Variants in ZBTB7C observed in about 807,000 individuals in gnomAD.
The protein encoded by ZBTB7C is zinc finger and BTB domain containing 7C, also known as zinc finger and BTB domain-containing protein 7C.
ZBTB7C carries 8 observed loss-of-function variants against 25.7 expected under a neutral mutation model. That is an observed-to-expected ratio of 0.31 (90% CI 0.18 to 0.56). The LOEUF is 0.56. Ranked by LOEUF, ZBTB7C falls within the 20% of genes least tolerant of loss-of-function variation. The probability of loss-of-function intolerance (pLI) is 0.91; values close to 1 mark genes in which losing one functional copy is unlikely to be tolerated. For missense variants in ZBTB7C, 824 were observed against 855.2 expected (o/e 0.96, Z 0.46); for synonymous variants, 394 against 369.0 (o/e 1.07, Z -0.78).
chr18:48,053,154 C>A (rs2036764436), intron 3 of ZBTB7C, among the ~76,000 whole-genome samples: 1 of 152,240 alleles, frequency 6.6e-6, no homozygotes, highest in African/African-American at 2.4e-5. Context: ...TGCGTCCCTT[C>A]CGCCTGCCCC....
chr18:48,411,819 TCTC>T (rs2048385345), upstream of ZBTB7C, among the ~76,000 whole-genome samples: 1 of 152,236 alleles, frequency 6.6e-6, no homozygotes, highest in Admixed American at 6.5e-5. Flanking sequence ...TCAGAAAGTT[TCTC>T]CTCTCTTCTC....
At chr18:48,035,807 G>T (rs951200912) in intron 4 of ZBTB7C, among the ~76,000 whole-genome samples, 3 of 152,202 alleles carry the variant, frequency 2.0e-5, no homozygotes, top group African/African-American at 7.2e-5. Flanking sequence ...CTGGCTTCCA[G>T]ACTTTCTGGG....
intron 1 of ZBTB7C, among the ~76,000 whole-genome samples, chr18:48,404,206 C>T (rs1277332493): frequency 2.6e-5 from 4 of 152,088 alleles, no homozygotes; most frequent in African/African-American, 9.7e-5. Flanking sequence ...GAGCCGAGAT[C>T]GTGCCGCTGC....
chr18:48,057,528 T>G (rs958018973), intron 3 of ZBTB7C, among the ~76,000 whole-genome samples: 1 of 152,224 alleles, frequency 6.6e-6, no homozygotes, highest in African/African-American at 2.4e-5. Flanking sequence ...ATGCATGAAT[T>G]AAACTGTTAG....
intron 1 of ZBTB7C, among the ~76,000 whole-genome samples, chr18:48,349,102 C>T (rs1047577991): frequency 3.9e-5 from 6 of 152,186 alleles, no homozygotes; most frequent in Admixed American, 6.5e-5. Flanking sequence ...CAGCCCTAGG[C>T]ATGGTGCTGG....
intron 3 of ZBTB7C, among the ~76,000 whole-genome samples, chr18:48,130,972 C>T (rs2039967981): frequency 6.6e-6 from 1 of 152,202 alleles, no homozygotes; most frequent in African/African-American, 2.4e-5. Flanking sequence ...GGTCCCATCT[C>T]AGCTCACTGC....
chr18:48,275,778 T>C (rs1001924528), intron 2 of ZBTB7C, among the ~76,000 whole-genome samples: 15 of 152,214 alleles, frequency 9.9e-5, no homozygotes, highest in African/African-American at 3.6e-4. Flanking sequence ...AAGCCTCATC[T>C]TTCTTCTCTC....
intron 3 of ZBTB7C, among the ~76,000 whole-genome samples, chr18:48,179,912 CCCTTCCTTCCTT>C (rs1265113799): frequency 5.2e-5 from 1 of 19,180 alleles, no homozygotes; most frequent in Admixed American, 7.2e-4. Context: ...CTTCCTTCCT[CCCTTCCTTCCTT>C]CCTTCCCTGC....
chr18:48,190,969 T>C (rs1432976276), intron 2 of ZBTB7C, among the ~76,000 whole-genome samples: 1 of 152,244 alleles, frequency 6.6e-6, no homozygotes, highest in African/African-American at 2.4e-5. Flanking sequence ...GAGTCTCTTT[T>C]GGGGAAAACA....
intron 1 of ZBTB7C, among the ~76,000 whole-genome samples, chr18:48,362,677 A>G (rs1026279536): frequency 2.0e-5 from 3 of 152,134 alleles, no homozygotes; most frequent in African/African-American, 7.2e-5. Flanking sequence ...AGTCCTTGTC[A>G]CCTGCATTGC....
intron 2 of ZBTB7C, among the ~76,000 whole-genome samples, chr18:48,277,086 G>A (rs1230718396): frequency 6.7e-6 from 1 of 149,840 alleles, no homozygotes; most frequent in Admixed American, 6.7e-5. Context: ...ATAGGCATGG[G>A]CAAGGACTTC....
At chr18:48,094,229 C>T (rs1480750009) in intron 3 of ZBTB7C, among the ~76,000 whole-genome samples, 1 of 152,168 alleles carries the variant, frequency 6.6e-6, no homozygotes, top group Admixed American at 6.5e-5. Flanking sequence ...ATAATGATAT[C>T]ATCTGGCTGA....
In ZBTB7C at chr18:48,344,102, G is replaced by A. The variant is rs181710495; in HGVS notation, c.-303-5704C>T. Among the ~76,000 whole-genome samples the A allele has an allele frequency of 3.9e-4, 59 of 152,070 alleles. 1 individual carries two copies. The highest frequency in any genetic ancestry group is 3.9e-3 in the East Asian group (20 of 5,172). On this transcript the variant is annotated intron_variant, in intron 1 of 4. Transcript: ENST00000590800. ...CAGGTTCAAGCTATTCTCCTGCCTC[G>A]GCCTTCCGAGTAGCTGGATTGCAGG... is the stretch of plus-strand genomic sequence containing the variant.
At chr18:48,035,229 G>T (rs2035920843) in intron 4 of ZBTB7C, among the ~76,000 whole-genome samples, 1 of 152,254 alleles carries the variant, frequency 6.6e-6, no homozygotes, top group Non-Finnish European at 1.5e-5. Context: ...AGCGGAACTG[G>T]AAAGCGTGCC....
chr18:48,035,721 T>C (rs2035943341), intron 4 of ZBTB7C, among the ~76,000 whole-genome samples: 1 of 152,240 alleles, frequency 6.6e-6, no homozygotes, highest in Non-Finnish European at 1.5e-5. Flanking sequence ...CTTCCTGAGA[T>C]CACATGCTCC....
At chr18:48,186,351 C>A (rs1469828306) in intron 2 of ZBTB7C, among the ~76,000 whole-genome samples, 1 of 152,260 alleles carries the variant, frequency 6.6e-6, no homozygotes, top group Non-Finnish European at 1.5e-5. Context: ...CCTGCGCGTG[C>A]AGCTCGGAAG....
chr18:48,334,665 C>T (rs1287981311), intron 2 of ZBTB7C, among the ~76,000 whole-genome samples: 2 of 152,184 alleles, frequency 1.3e-5, no homozygotes, highest in Non-Finnish European at 2.9e-5. Context: ...AATGTGTACT[C>T]CCTCCAGTCC....
chr18:48,270,234 T>C (rs1400517416), intron 2 of ZBTB7C, among the ~76,000 whole-genome samples: 2 of 147,008 alleles, frequency 1.4e-5, no homozygotes, highest in Admixed American at 1.3e-4. Flanking sequence ...AACCTAAACC[T>C]AGTTCTTTTT....
intron 3 of ZBTB7C, among the ~76,000 whole-genome samples, chr18:48,075,387 T>C (rs1008036994): frequency 5.9e-5 from 9 of 152,198 alleles, no homozygotes; most frequent in African/African-American, 2.2e-4. Context: ...TCAAGCCCAG[T>C]GCCCAATAAG....
Sources: gnomAD v4.1 joint callset for allele counts (sites outside exome capture counted in the v4.1 genomes callset) on GRCh38, gnomAD v4.1.1 for gene constraint, MANE v1.5 for transcripts, NCBI Gene and HGNC (gene_info 2026-07-23, HGNC 2026-07-21) for gene names.